XKR9: variants seen among roughly 807,000 people sequenced by gnomAD.
XKR9 encodes the protein XK-related protein 9.
A neutral mutation model predicts 32.0 loss-of-function variants in XKR9; 32 were observed. That is an observed-to-expected ratio of 1.00 (90% CI 0.76 to 1.34). XKR9 has a LOEUF of 1.34. XKR9 is among the 40% of genes most tolerant of loss of function. XKR9 has a pLI of 0.00. For missense variants in XKR9, 546 were observed against 429.7 expected (o/e 1.27, Z -2.39); for synonymous variants, 168 against 143.4 (o/e 1.17, Z -1.22).
At chr8:70,838,909 T>C in the XKR9 span, among the ~76,000 whole-genome samples, 1 of 152,148 alleles carries the variant, frequency 6.6e-6, no homozygotes, top group Non-Finnish European at 1.5e-5. Context: ...CAACCTTGTA[T>C]AGTCCCTGTC....
downstream of XKR9, among the ~76,000 whole-genome samples, chr8:70,740,500 G>T (rs1449255400): frequency 6.6e-6 from 1 of 152,174 alleles, no homozygotes; most frequent in Admixed American, 6.5e-5. Flanking sequence ...GCTTTGTTCT[G>T]TTGCTGGTGA....
the XKR9 span, among the ~76,000 whole-genome samples, chr8:71,021,927 G>A: frequency 6.6e-6 from 1 of 152,208 alleles, no homozygotes; most frequent in Non-Finnish European, 1.5e-5. Context: ...TGCCCAGAAT[G>A]GTGTTACCTA....
At chr8:70,813,803 G>T in the XKR9 span, among the ~76,000 whole-genome samples, 1 of 152,204 alleles carries the variant, frequency 6.6e-6, no homozygotes, top group Non-Finnish European at 1.5e-5. Flanking sequence ...ACAGGTGCTG[G>T]AGAGGATGTG....
chr8:70,739,776 C>A (rs370515039), downstream of XKR9, among the ~76,000 whole-genome samples: 1 of 152,106 alleles, frequency 6.6e-6, no homozygotes, highest in Non-Finnish European at 1.5e-5. Context: ...TCTTTTCTTT[C>A]AGAATGTTGA....
chr8:70,789,102 T>C (rs1008018502), intron 2 of XKR9, among the ~76,000 whole-genome samples: 1 of 152,056 alleles, frequency 6.6e-6, no homozygotes, highest in Non-Finnish European at 1.5e-5. Flanking sequence ...ACTAGAATGG[T>C]CCTTTTCTAT....
chr8:70,734,498 T>C lies in XKR9; in HGVS notation c.*74T>C. On this transcript the variant is annotated 3_prime_UTR_variant, in exon 5 of 5. Transcript: ENST00000408926. ...GTAAAGAAAATGTGTGTTATGTGGG[T>C]GTGTTGTCTCTTATTTTTGCCACCT... The C allele has an allele frequency of 1.4e-6, 2 of 1,398,626 alleles. No homozygotes were observed. Among genetic ancestry groups the C allele is most frequent in the Non-Finnish European group, 1.8e-6 (2 of 1,082,990 alleles). The allele number at this position is 1,398,626 out of a possible 1,614,324, so 86.6% of individuals were successfully genotyped here.
At chr8:70,814,486 C>G in the XKR9 span, among the ~76,000 whole-genome samples, 1 of 150,606 alleles carries the variant, frequency 6.6e-6, no homozygotes, top group South Asian at 2.1e-4. Flanking sequence ...ACCTGAGAAG[C>G]AGGACAGAAA....
the XKR9 span, among the ~76,000 whole-genome samples, chr8:70,828,473 G>A: frequency 2.0e-5 from 3 of 151,666 alleles, no homozygotes; most frequent in Admixed American, 2.0e-4. Flanking sequence ...AGTGGCTCAC[G>A]CCAGCACTTT....
At chr8:70,967,163 C>T in the XKR9 span, among the ~76,000 whole-genome samples, 4 of 150,644 alleles carry the variant, frequency 2.7e-5, no homozygotes, top group Admixed American at 2.0e-4. Flanking sequence ...CCTGGGTTCA[C>T]GCCATTCTCC....
the XKR9 span, among the ~76,000 whole-genome samples, chr8:71,064,943 G>A: frequency 1.1e-4 from 16 of 152,158 alleles, no homozygotes; most frequent in Non-Finnish European, 1.9e-4. Context: ...CTGGGAAAGA[G>A]CTCTAGAGTA....
At chr8:70,675,240 A>G (rs1304045588) in intron 2 of XKR9, among the ~76,000 whole-genome samples, 1 of 152,164 alleles carries the variant, frequency 6.6e-6, no homozygotes, top group Non-Finnish European at 1.5e-5. Context: ...AGCCTGCCCA[A>G]TATGGCGAAA....
chr8:70,865,841 C>CT, the XKR9 span, among the ~76,000 whole-genome samples: 1 of 152,164 alleles, frequency 6.6e-6, no homozygotes, highest in African/African-American at 2.4e-5. Context: ...AAAATAGAGT[C>CT]TGAAAGTGAG....
At chr8:70,742,155 A>G (rs1806996080) in intron 2 of XKR9, among the ~76,000 whole-genome samples, 1 of 152,210 alleles carries the variant, frequency 6.6e-6, no homozygotes, top group Non-Finnish European at 1.5e-5. Flanking sequence ...GTATATAAAT[A>G]ACTTCTGTAA....
the XKR9 span, among the ~76,000 whole-genome samples, chr8:70,911,196 T>G: frequency 1.3e-5 from 2 of 152,202 alleles, no homozygotes; most frequent in African/African-American, 2.4e-5. Context: ...GGGTGACATT[T>G]TTAGAATCCT....
chr8:70,863,075 T>G, the XKR9 span, among the ~76,000 whole-genome samples: 1 of 152,106 alleles, frequency 6.6e-6, no homozygotes, highest in East Asian at 1.9e-4. Flanking sequence ...GGTGAAAAGA[T>G]GATGAAACTG....
intron 3 of XKR9, among the ~76,000 whole-genome samples, chr8:70,701,009 G>A (rs952316902): frequency 1.5e-4 from 23 of 152,202 alleles, no homozygotes; most frequent in African/African-American, 5.5e-4. Context: ...GATATAATCT[G>A]CTGGTGTGCC....
the XKR9 span, among the ~76,000 whole-genome samples, chr8:70,821,554 C>A: frequency 6.6e-6 from 1 of 152,198 alleles, no homozygotes; most frequent in African/African-American, 2.4e-5. Context: ...AGGGCCCCAC[C>A]CCTACAGCAA....
chr8:70,789,622 T>C lies in XKR9; in HGVS notation n.475+161T>C, dbSNP rs144619402. ...CACTCTGCAGTGATTTTCATTGAAA[T>C]TTACACTTTTCTAAATATTGGCCAT... On this transcript the variant is annotated intron_variant and non_coding_transcript_variant, in intron 3 of 3. Transcript: ENST00000520273. Among the ~76,000 whole-genome samples the C allele has an allele frequency of 8.1e-4, 123 of 152,198 alleles. 1 individual carries two copies. Among genetic ancestry groups the C allele is most frequent in the East Asian group, 3.7e-3 (19 of 5,182 alleles).
At chr8:70,976,215 A>G in the XKR9 span, among the ~76,000 whole-genome samples, 7 of 150,096 alleles carry the variant, frequency 4.7e-5, no homozygotes, top group Non-Finnish European at 1.0e-4. Context: ...TCTACCCTTT[A>G]TTTCTTTCTC....
Sources: allele counts gnomAD v4.1 joint callset (sites outside exome capture counted in the v4.1 genomes callset), GRCh38; gene constraint gnomAD v4.1.1; transcripts MANE v1.5; gene names NCBI Gene and HGNC (gene_info 2026-07-23, HGNC 2026-07-21).